The following KSR1 variants were observed in gnomAD, a reference collection of about 807,000 sequenced individuals.
KSR1 encodes the protein kinase suppressor of ras 1.
Under a neutral mutation model 92.9 loss-of-function variants are expected in KSR1, and 35 were observed. That is an observed-to-expected ratio of 0.38 (90% CI 0.29 to 0.50). The LOEUF is 0.50. KSR1 is among the 20% of genes least tolerant of loss of function. The pLI, the probability that KSR1 is intolerant of heterozygous loss-of-function variation, is 0.94. For synonymous variants in KSR1, 467 were observed against 472.6 expected (o/e 0.99, Z 0.15); for missense variants, 972 against 1,158.5 (o/e 0.84, Z 2.34).
chr17:27,555,511 CGTGTGTGT>C (rs71359222), intron 2 of KSR1, among the ~76,000 whole-genome samples: 4 of 150,192 alleles, frequency 2.7e-5, no homozygotes, highest in Admixed American at 6.6e-5. Flanking sequence ...TTTTGTTTGG[CGTGTGTGT>C]GTGTGTGTGT....
intron 1 of KSR1, among the ~76,000 whole-genome samples, chr17:27,488,016 A>G (rs899277052): frequency 6.6e-6 from 1 of 152,208 alleles, no homozygotes; most frequent in Non-Finnish European, 1.5e-5. Flanking sequence ...CTTGGAGGGG[A>G]CAAATATTCA....
In KSR1 at chr17:27,577,417, G is replaced by C; in HGVS notation, c.373-75G>C. On this transcript the variant is annotated intron_variant, in intron 2 of 20. Coordinates refer to ENST00000644974, the MANE Select transcript of KSR1 (RefSeq NM_001394583.1). This position sits in a 1 kb window ranked among gnomAD's most constrained non-coding sequence, Gnocchi z 4.5. ...GCTGGCCCCTGCCACTCAGCAGGAG[G>C]CCAGCCTGAGGCTGAGGGGCTCCCG... is the stretch of plus-strand genomic sequence containing the variant. 1 of 928,284 alleles carries C rather than the reference G, an allele frequency of 1.1e-6. No individual in the cohort carries two copies. The highest frequency in any genetic ancestry group is 1.6e-6 in the Non-Finnish European group (1 of 611,294). 57.5% of individuals were successfully genotyped at this position (928,284 alleles called of 1,614,324 possible). A position where few individuals can be genotyped will look rare whatever the true frequency, so the allele number is the denominator to read the frequency against.
rs1298943280 is a variant in KSR1 at position 27,597,285 on chromosome 17, G to C, written c.1317G>C (p.Met439Ile). ...TCCTGCAGGAGCACCCTCCGGCCAT[G>C]AATCACCTGGACTCCAGCAGCAACC... ...ALTKKEHPPAMNHLDSSSNPS... is the reference protein window; with the variant it reads ...ALTKKEHPPAINHLDSSSNPS... The change falls in exon 10 of 21, where the codon ATG becomes ATC. Residue 439 changes from methionine to isoleucine, a missense_variant. By Grantham distance (10) the Met-to-Ile change is conservative. Coordinates refer to ENST00000644974, the MANE Select transcript of KSR1 (RefSeq NM_001394583.1). The C allele has an allele frequency of 6.3e-7, 1 of 1,597,022 alleles. No homozygotes were observed. Among genetic ancestry groups the C allele is most frequent in the Non-Finnish European group, 8.5e-7 (1 of 1,172,144 alleles).
chr17:27,526,988 C>T (rs1313446740), intron 1 of KSR1: 3 of 549,698 alleles, frequency 5.5e-6, no homozygotes, highest in African/African-American at 3.8e-5. Flanking sequence ...TAGTCCAAGC[C>T]TTGATGTTCT....
At chr17:27,581,972 A>G (rs1567851202) in intron 3 of KSR1, among the ~76,000 whole-genome samples, 2 of 152,166 alleles carry the variant, frequency 1.3e-5, no homozygotes, top group African/African-American at 4.8e-5. Flanking sequence ...GATGCTCAGA[A>G]TAGCCCCTCG....
At chr17:27,497,971 TGAG>T (rs1490457687) in intron 1 of KSR1, among the ~76,000 whole-genome samples, 1 of 152,052 alleles carries the variant, frequency 6.6e-6, no homozygotes, top group African/African-American at 2.4e-5. Flanking sequence ...GCTGCAAAAA[TGAG>T]GAGTGTGTGT....
intron 2 of KSR1, among the ~76,000 whole-genome samples, chr17:27,551,919 A>G (rs570114854): frequency 2.5e-4 from 38 of 152,120 alleles, no homozygotes; most frequent in Non-Finnish European, 4.6e-4. Flanking sequence ...ATCCTTTTTC[A>G]GTGCTTCCTG....
chr17:27,555,544 T>C (rs2071562334), intron 2 of KSR1, among the ~76,000 whole-genome samples: 1 of 146,396 alleles, frequency 6.8e-6, no homozygotes. Flanking sequence ...GTGTAGCACT[T>C]CCGTGTGTAG....
At chr17:27,570,940 G>A (rs1054353912) in intron 2 of KSR1, among the ~76,000 whole-genome samples, 3 of 152,210 alleles carry the variant, frequency 2.0e-5, no homozygotes, top group African/African-American at 7.2e-5. Flanking sequence ...GGCACAACCC[G>A]GATTGAGAGC....
At chr17:27,510,077 ATC>A (rs1326333150) in intron 1 of KSR1, among the ~76,000 whole-genome samples, 1 of 152,204 alleles carries the variant, frequency 6.6e-6, no homozygotes, top group African/African-American at 2.4e-5. Context: ...GAACTGGGGA[ATC>A]TCTCTCTTCA....
At chr17:27,546,023 C>A (rs1187595673) in intron 1 of KSR1, among the ~76,000 whole-genome samples, 1 of 152,220 alleles carries the variant, frequency 6.6e-6, no homozygotes, top group Non-Finnish European at 1.5e-5. Context: ...AGCAGCCTGA[C>A]CTCTCCAGTT....
chr17:27,562,291 T>G (rs2071864512), intron 2 of KSR1, among the ~76,000 whole-genome samples: 1 of 152,248 alleles, frequency 6.6e-6, no homozygotes, highest in Non-Finnish European at 1.5e-5. Context: ...GTGGGTTTTC[T>G]TGTTGAATGA....
At position 27,617,298 on chromosome 17, in the gene KSR1, A is replaced by G; in HGVS notation, c.2497A>G (p.Ile833Val). Reference sequence around the variant, plus strand: ...CTAATGGCAGCTCCATTTGCAGGAGATCCTGTCGGCCTGCTGGGCTTTCGA... The same window carrying G: ...CTAATGGCAGCTCCATTTGCAGGAGGTCCTGTCGGCCTGCTGGGCTTTCGA... ...SVSLGKEVSE[I>V]LSACWAFDLQ... The change falls in exon 19 of 21, where the codon ATC (isoleucine) becomes GTC (valine). Residue 833 changes from isoleucine (I) to valine (V), a missense_variant. Transcript: ENST00000644974. 1 of 1,605,328 alleles carries G rather than the reference A, an allele frequency of 6.2e-7. No homozygotes were observed. Among genetic ancestry groups the G allele is most frequent in the East Asian group, 2.2e-5 (1 of 44,594 alleles).
At chr17:27,506,100 C>T (rs1056195741) in intron 1 of KSR1, among the ~76,000 whole-genome samples, 1 of 152,232 alleles carries the variant, frequency 6.6e-6, no homozygotes, top group African/African-American at 2.4e-5. Context: ...TATTTCTATG[C>T]TCCCTCTTTG....
At chr17:27,569,216 C>G (rs980865484) in intron 2 of KSR1, among the ~76,000 whole-genome samples, 2 of 152,196 alleles carry the variant, frequency 1.3e-5, no homozygotes, top group African/African-American at 4.8e-5. Context: ...TCTGTAGAAG[C>G]CTTCCCATCT....
At chr17:27,607,850 A>T in intron 14 of KSR1, 64 bp from the exon 15 acceptor site, 1 of 1,227,766 alleles carries the variant, frequency 8.1e-7, no homozygotes, top group African/African-American at 1.5e-5. Context: ...CATGGGCTCC[A>T]CCAGGGTTGG....
intron 1 of KSR1, among the ~76,000 whole-genome samples, chr17:27,519,221 A>G (rs2069922444): frequency 6.6e-6 from 1 of 152,186 alleles, no homozygotes; most frequent in African/African-American, 2.4e-5. Context: ...CCCTGCAGAA[A>G]GGAATTCTGA....
intron 2 of KSR1, among the ~76,000 whole-genome samples, chr17:27,570,064 G>A (rs2072245727): frequency 6.6e-6 from 1 of 152,196 alleles, no homozygotes; most frequent in African/African-American, 2.4e-5. Flanking sequence ...GAGGCTAAGT[G>A]GGATTAAAAG....
At position 27,605,825 on chromosome 17, in the gene KSR1, C is replaced by T; in HGVS notation, c.1994+12C>T. On this transcript the variant is annotated intron_variant, in intron 14 of 20. Coordinates refer to ENST00000644974, the MANE Select transcript of KSR1 (RefSeq NM_001394583.1). ...GCCATTATCACCAGGTAACCAAGCCCTAGGACCTCATGCTGGATGGCCAGC... is the reference window on the plus strand; with the variant it reads ...GCCATTATCACCAGGTAACCAAGCCTTAGGACCTCATGCTGGATGGCCAGC... 6.2e-7 allele frequency: 1 copy of T among 1,611,826 alleles called. No individual in the cohort carries two copies.
Sources: gnomAD v4.1 joint callset for allele counts (sites outside exome capture counted in the v4.1 genomes callset) on GRCh38, gnomAD v4.1.1 for gene constraint, Gnocchi (gnomAD v3.1) non-coding constraint, MANE v1.5 for transcripts, NCBI Gene and HGNC (gene_info 2026-07-23, HGNC 2026-07-21) for gene names.